Variants in PCDHA4 observed in about 807,000 individuals in gnomAD.
PCDHA4 encodes the protein protocadherin alpha-4.
PCDHA4 carries 49 observed loss-of-function variants against 61.4 expected under a neutral mutation model. That is an observed-to-expected ratio of 0.80 (90% CI 0.63 to 1.01). PCDHA4 has a LOEUF of 1.01. Ranked by LOEUF, PCDHA4 falls within the 50% of genes least tolerant of loss-of-function variation. The pLI, the probability that PCDHA4 is intolerant of heterozygous loss-of-function variation, is 0.00. For missense variants in PCDHA4, 1,254 were observed against 1,235.8 expected, an observed-to-expected ratio of 1.01 and a Z score of -0.22; for synonymous variants, 590 against 550.3, an observed-to-expected ratio of 1.07 and a Z score of -1.01.
chr5:140,966,862 G>T (rs782810195), intron 1 of PCDHA4: 1 of 1,562,198 alleles, frequency 6.4e-7, no homozygotes. Context: ...TGCTGCTGTT[G>T]CTGCTGCTGC....
intron 1 of PCDHA4, among the ~76,000 whole-genome samples, chr5:140,845,118 T>C (rs1779705774): frequency 6.7e-6 from 1 of 149,786 alleles, no homozygotes; most frequent in Non-Finnish European, 1.5e-5. Flanking sequence ...TGTCCATGTT[T>C]AGCATTTTAT....
chr5:141,002,374 C>T (rs1228476890), intron 3 of PCDHA4, among the ~76,000 whole-genome samples: 1 of 152,220 alleles, frequency 6.6e-6, no homozygotes, highest in Non-Finnish European at 1.5e-5. Context: ...CTCATTCTGG[C>T]TTAGGGCTCC....
At chr5:140,951,767 G>A (rs561938687) in intron 1 of PCDHA4, among the ~76,000 whole-genome samples, 2 of 152,160 alleles carry the variant, frequency 1.3e-5, no homozygotes, top group South Asian at 2.1e-4. Context: ...ATCTCATGAC[G>A]TTCTTACATT....
Position 140,968,215 on chromosome 5 carries a change from G to T in PCDHA4, c.2386-10734G>T, listed in dbSNP as rs782676713. The stretch of plus-strand genomic sequence containing the variant: ...CCATCTACATACAGGAGAACAATTT[G>T]CCAGGTGTGTTGCTCTGTACTGTGC... On this transcript the variant is annotated intron_variant, in intron 1 of 3. Transcript: ENST00000530339. 3.1e-6 allele frequency: 5 copies of T among 1,613,862 alleles called. No homozygotes were observed. In the East Asian group the frequency reaches 1.1e-4, roughly 36 times the overall value.
At chr5:140,871,003 C>G (rs782654281) in intron 1 of PCDHA4, 3 of 1,613,416 alleles carry the variant, frequency 1.9e-6, no homozygotes, top group Non-Finnish European at 2.5e-6. Flanking sequence ...AAGCACAACG[C>G]GTGCCCTGGA....
intron 1 of PCDHA4, among the ~76,000 whole-genome samples, chr5:140,926,017 G>C (rs1222079500): frequency 2.0e-5 from 3 of 152,050 alleles, no homozygotes; most frequent in African/African-American, 7.2e-5. Context: ...GCCAGAGTCC[G>C]GAGGCAGTTT....
rs2150459394 is a variant in PCDHA4 at position 140,849,947 on chromosome 5, G to A, written c.2385+40375G>A. ...CGGTGTCTGCGCGGGACGCTGACGC[G>A]CAGGAGAACGCCCTGGTGTCCTACT... On this transcript the variant is annotated intron_variant, in intron 1 of 3. Transcript: ENST00000530339. 23 of 1,597,838 alleles carry A rather than the reference G, an allele frequency of 1.4e-5. 5 individuals carry two copies. The highest frequency in any genetic ancestry group is 3.3e-5 in the South Asian group (3 of 90,532).
intron 3 of PCDHA4, among the ~76,000 whole-genome samples, chr5:141,005,708 A>G (rs1245739768): frequency 6.8e-6 from 1 of 146,360 alleles, no homozygotes; most frequent in Non-Finnish European, 1.5e-5. Context: ...TCTCAAAAAA[A>G]AAAAAAAAAA....
chr5:140,819,042 G>A (rs1766479997), intron 1 of PCDHA4, among the ~76,000 whole-genome samples: 1 of 152,140 alleles, frequency 6.6e-6, no homozygotes, highest in African/African-American at 2.4e-5. Context: ...CCCTTATAGG[G>A]CAGTTATACC....
intron 1 of PCDHA4, chr5:140,930,305 T>C (rs1554207723): frequency 6.6e-6 from 1 of 152,252 alleles, no homozygotes; most frequent in Non-Finnish European, 1.5e-5. Flanking sequence ...TAAGTAAATA[T>C]CATATTTGAG....
At chr5:140,822,462 C>A in intron 1 of PCDHA4, 1 of 1,613,516 alleles carries the variant, frequency 6.2e-7, no homozygotes, top group South Asian at 1.1e-5. Flanking sequence ...AGTTGTTGAT[C>A]AATGTATTGG....
intron 3 of PCDHA4, among the ~76,000 whole-genome samples, chr5:140,990,384 T>A (rs2097391380): frequency 6.6e-6 from 1 of 152,186 alleles, no homozygotes; most frequent in Non-Finnish European, 1.5e-5. Context: ...TTGTTGGTGA[T>A]GTTCCAAGAA....
chr5:140,977,514 A>G (rs1554238605), intron 1 of PCDHA4, among the ~76,000 whole-genome samples: 13 of 152,216 alleles, frequency 8.5e-5, no homozygotes. Context: ...CATTTTGTGA[A>G]CTTGAAAACA....
intron 1 of PCDHA4, chr5:140,884,342 G>T (rs782616190): frequency 6.2e-7 from 1 of 1,613,902 alleles, no homozygotes; most frequent in Admixed American, 1.7e-5. Flanking sequence ...TCCAGAAGCG[G>T]CGCTGGTGGA....
At chr5:141,001,794 T>C (rs2098037139) in intron 3 of PCDHA4, among the ~76,000 whole-genome samples, 1 of 152,184 alleles carries the variant, frequency 6.6e-6, no homozygotes, top group Non-Finnish European at 1.5e-5. Flanking sequence ...CCTGAGTATA[T>C]ACTATCATTC....
intron 1 of PCDHA4, chr5:140,812,368 CT>C (rs1173374807): frequency 6.6e-6 from 1 of 151,724 alleles, no homozygotes; most frequent in Non-Finnish European, 1.5e-5. Flanking sequence ...GACTTCCAGT[CT>C]TTTTGTTTTT....
At chr5:140,895,292 C>T (rs1032250917) in intron 1 of PCDHA4, among the ~76,000 whole-genome samples, 11 of 152,044 alleles carry the variant, frequency 7.2e-5, no homozygotes, top group Non-Finnish European at 1.2e-4. Flanking sequence ...TTAGGACCTT[C>T]GATTTCCCCC....
At position 140,863,585 on chromosome 5, in the gene PCDHA4, A is replaced by G. The variant is rs1365017699; in HGVS notation, c.2385+54013A>G. ...GAGAATATAAGTACTGTAATCCTGG[A>G]AAGTATTTCATTCCTATTAATGTCC... On this transcript the variant is annotated intron_variant, in intron 1 of 3. Coordinates refer to ENST00000530339, the MANE Select transcript of PCDHA4 (RefSeq NM_018907.4). The G allele has an allele frequency of 3.6e-5, 13 of 361,228 alleles. No homozygotes were observed. The East Asian group carries it at 7.6e-4, about 21-fold the overall frequency. The allele number at this position is 361,228 out of a possible 1,614,324, so 22.4% of individuals were successfully genotyped here.
chr5:140,881,012 G>C (rs1445864276), intron 1 of PCDHA4, among the ~76,000 whole-genome samples: 2 of 152,202 alleles, frequency 1.3e-5, no homozygotes, highest in Admixed American at 1.3e-4. Flanking sequence ...CAGAGCTATG[G>C]AAATAAACCC....
Sources: allele counts gnomAD v4.1 joint callset (sites outside exome capture counted in the v4.1 genomes callset), GRCh38; gene constraint gnomAD v4.1.1; transcripts MANE v1.5; gene names NCBI Gene and HGNC (gene_info 2026-07-23, HGNC 2026-07-21).